RAB38: variants seen among roughly 807,000 people sequenced by gnomAD.
RAB38 encodes the protein RAB38, member RAS oncogene family, also known as ras-related protein Rab-38.
A neutral mutation model predicts 18.4 loss-of-function variants in RAB38; 15 were observed. That is an observed-to-expected ratio of 0.82 (90% CI 0.55 to 1.26). The LOEUF (loss-of-function observed/expected upper bound fraction) is 1.26, where lower values mean the gene tolerates loss of function less well. Ranked by LOEUF, RAB38 falls within the 50% of genes most tolerant of loss-of-function variation. The pLI is 0.00. For missense variants in RAB38, 294 were observed against 267.4 expected, an observed-to-expected ratio of 1.10 and a Z score of -0.69; for synonymous variants, 101 against 104.4, an observed-to-expected ratio of 0.97 and a Z score of 0.20.
chr11:88,146,723 G>A (rs1019055525), intron 2 of RAB38, among the ~76,000 whole-genome samples: 3 of 152,154 alleles, frequency 2.0e-5, no homozygotes, highest in African/African-American at 7.2e-5. Context: ...TACTAACCTG[G>A]CACAGGCAAG....
the RAB38 span, among the ~76,000 whole-genome samples, chr11:88,081,658 TAGA>T: frequency 2.6e-5 from 4 of 151,908 alleles, no homozygotes; most frequent in Admixed American, 2.6e-4. Context: ...CTGTATTTCA[TAGA>T]AGGACATCCA....
chr11:87,949,085 A>C, the RAB38 span, among the ~76,000 whole-genome samples: 20 of 152,162 alleles, frequency 1.3e-4, no homozygotes, highest in Middle Eastern at 3.4e-3. Context: ...TTGGTCTATT[A>C]AGAGATTCAA....
At chr11:88,048,593 C>A in the RAB38 span, among the ~76,000 whole-genome samples, 1 of 152,134 alleles carries the variant, frequency 6.6e-6, no homozygotes, top group African/African-American at 2.4e-5. Flanking sequence ...CCTGTATAGA[C>A]CCTCCTTTTT....
At chr11:88,008,733 G>A in the RAB38 span, among the ~76,000 whole-genome samples, 359 of 152,316 alleles carry the variant, frequency 2.4e-3, 1 homozygote, top group African/African-American at 8.1e-3. Context: ...GAGTGCAGTG[G>A]CGCCATCTCG....
chr11:87,965,291 A>AT, the RAB38 span, among the ~76,000 whole-genome samples: 3 of 60,618 alleles, frequency 4.9e-5, no homozygotes, highest in East Asian at 1.0e-3. Flanking sequence ...ATGTGTCTCA[A>AT]TAAAAAAAAA....
At chr11:88,081,278 C>A in the RAB38 span, among the ~76,000 whole-genome samples, 1 of 151,856 alleles carries the variant, frequency 6.6e-6, no homozygotes, top group Admixed American at 6.6e-5. Flanking sequence ...ACCCAGCAAT[C>A]CCACTCTAAG....
At chr11:88,104,688 G>A in the RAB38 span, among the ~76,000 whole-genome samples, 2 of 152,092 alleles carry the variant, frequency 1.3e-5, no homozygotes, top group East Asian at 1.9e-4. Flanking sequence ...AATTCATGAT[G>A]ATTTTTCAGT....
chr11:87,939,387 C>T, the RAB38 span, among the ~76,000 whole-genome samples: 16 of 79,028 alleles, frequency 2.0e-4, no homozygotes, highest in Non-Finnish European at 4.8e-4. Flanking sequence ...CATACACACA[C>T]ACACACACAC....
chr11:88,148,679 A>C (rs1021625666), intron 2 of RAB38, among the ~76,000 whole-genome samples: 1 of 152,232 alleles, frequency 6.6e-6, no homozygotes, highest in African/African-American at 2.4e-5. Context: ...TGTGAACTCC[A>C]TAAGTACGGA....
chr11:87,912,676 C>T, the RAB38 span, among the ~76,000 whole-genome samples: 1 of 148,504 alleles, frequency 6.7e-6, no homozygotes, highest in African/African-American at 2.5e-5. Flanking sequence ...ATGATTTTCT[C>T]TATTGCTTTG....
chr11:87,895,134 T>C, the RAB38 span, among the ~76,000 whole-genome samples: 1 of 151,536 alleles, frequency 6.6e-6, no homozygotes, highest in African/African-American at 2.4e-5. Flanking sequence ...AGGTGTGAAA[T>C]GAGGGTGAAT....
chr11:87,850,663 C>G, the RAB38 span, among the ~76,000 whole-genome samples: 2 of 151,434 alleles, frequency 1.3e-5, no homozygotes, highest in Non-Finnish European at 1.5e-5. Flanking sequence ...TATATACACC[C>G]AAGACTGATT....
chr11:88,124,876 C>G (rs982739230), intron 2 of RAB38, among the ~76,000 whole-genome samples: 2 of 152,168 alleles, frequency 1.3e-5, no homozygotes, highest in African/African-American at 4.8e-5. Context: ...TCATTGAGCA[C>G]TTTTCATGGA....
the RAB38 span, among the ~76,000 whole-genome samples, chr11:87,941,177 T>A: frequency 2.1e-5 from 3 of 140,472 alleles, no homozygotes; most frequent in African/African-American, 7.9e-5. Flanking sequence ...CGTATGTATT[T>A]TATATATATA....
the RAB38 span, among the ~76,000 whole-genome samples, chr11:87,950,583 A>G: frequency 1.3e-4 from 20 of 152,122 alleles, no homozygotes; most frequent in African/African-American, 9.7e-5. Flanking sequence ...CAGGCCTGGT[A>G]GTGACAAAAT....
chr11:87,825,057 C>T, the RAB38 span, among the ~76,000 whole-genome samples: 4 of 151,902 alleles, frequency 2.6e-5, no homozygotes, highest in African/African-American at 9.7e-5. Context: ...TCAAGAATAG[C>T]ATCGAACTTC....
At chr11:87,858,817 G>A in the RAB38 span, among the ~76,000 whole-genome samples, 1 of 151,700 alleles carries the variant, frequency 6.6e-6, no homozygotes, top group Non-Finnish European at 1.5e-5. Flanking sequence ...TGACGGATTT[G>A]CAGGTATTTA....
At chr11:87,901,969 C>A in the RAB38 span, among the ~76,000 whole-genome samples, 94,025 of 149,166 alleles carry the variant, frequency 0.63, 31,603 homozygotes, top group East Asian at 0.89. Context: ...AACTTTTATG[C>A]TAAGGAAGGA....
intron 2 of RAB38, among the ~76,000 whole-genome samples, chr11:88,118,476 C>T (rs1158490113): frequency 6.6e-6 from 1 of 152,178 alleles, no homozygotes; most frequent in Non-Finnish European, 1.5e-5. Context: ...AGTTGGCATC[C>T]AAATAGACAC....
Sources: gnomAD v4.1 joint callset for allele counts (sites outside exome capture counted in the v4.1 genomes callset) on GRCh38, gnomAD v4.1.1 for gene constraint, MANE v1.5 for transcripts, NCBI Gene and HGNC (gene_info 2026-07-23, HGNC 2026-07-21) for gene names.